Variants in CHSY3 observed in about 807,000 individuals in gnomAD.
CHSY3 encodes the protein N-acetylgalactosaminyl-proteoglycan 3-beta-glucuronosyltransferase 3.
In CHSY3, 35 loss-of-function variants were observed where a neutral mutation model predicts 67.2. The observed-to-expected ratio is 0.52, with a 90% CI of 0.40 to 0.69. CHSY3 has a LOEUF of 0.69. Ranked by LOEUF, CHSY3 falls within the 30% of genes least tolerant of loss-of-function variation. CHSY3 has a pLI of 0.00. For missense variants in CHSY3, 1,069 were observed against 1,138.5 expected (o/e 0.94, Z 0.88); for synonymous variants, 474 against 434.7 (o/e 1.09, Z -1.12).
intron 2 of CHSY3, among the ~76,000 whole-genome samples, chr5:130,028,931 C>G (rs955898894): frequency 6.6e-6 from 1 of 151,862 alleles, no homozygotes; most frequent in African/African-American, 2.4e-5. Context: ...CCTACTGATT[C>G]CTCACCACCT....
chr5:130,072,680 T>A (rs1042957020), intron 2 of CHSY3, among the ~76,000 whole-genome samples: 2 of 152,158 alleles, frequency 1.3e-5, no homozygotes, highest in African/African-American at 4.8e-5. Context: ...TAGGATTTTT[T>A]CCTATTTATA....
At chr5:130,124,742 G>A (rs1157871573) in intron 2 of CHSY3, among the ~76,000 whole-genome samples, 2 of 152,218 alleles carry the variant, frequency 1.3e-5, no homozygotes, top group Non-Finnish European at 2.9e-5. Context: ...ACAGGCGTGA[G>A]CCACTGCTCC....
At chr5:130,162,040 CAAA>C (rs371228605) in intron 2 of CHSY3, among the ~76,000 whole-genome samples, 3,487 of 65,008 alleles carry the variant, frequency 0.054, 132 homozygotes, top group African/African-American at 0.14. Context: ...GACCCTGTCT[CAAA>C]AAAAAAAAAA....
chr5:130,113,089 A>G (rs1225386859), intron 2 of CHSY3, among the ~76,000 whole-genome samples: 1 of 147,934 alleles, frequency 6.8e-6, no homozygotes, highest in African/African-American at 2.5e-5. Context: ...ATCATGAGTC[A>G]TGTTGTAAAA....
chr5:130,021,805 A>G (rs1437629221), intron 2 of CHSY3, among the ~76,000 whole-genome samples: 6 of 152,144 alleles, frequency 3.9e-5, no homozygotes, highest in Admixed American at 3.9e-4. Context: ...TTCAAAATAT[A>G]CTACAGCTCT....
Position 130,036,739 on chromosome 5 carries a change from G to C in CHSY3, c.1086+128379G>C, listed in dbSNP as rs147322253. ...AACATGGATTAGTAAACAAATAACTGAGTAAATGTGGTTTTACTTTGTCCC... is the reference window on the plus strand; with the variant it reads ...AACATGGATTAGTAAACAAATAACTCAGTAAATGTGGTTTTACTTTGTCCC... On this transcript the variant is annotated intron_variant, in intron 2 of 2. Transcript: ENST00000305031. Among the ~76,000 whole-genome samples the C allele has an allele frequency of 2.0e-3, 297 of 152,226 alleles. 1 individual carries two copies. The highest frequency in any genetic ancestry group is 6.8e-3 in the Middle Eastern group (2 of 294).
Position 130,069,057 on chromosome 5 carries a change from G to A in CHSY3, c.1087-115172G>A, listed in dbSNP as rs535415183. Among the ~76,000 whole-genome samples the A allele has an allele frequency of 3.9e-3, 597 of 152,100 alleles. 5 individuals carry two copies. The highest frequency in any genetic ancestry group is 5.7e-3 in the Non-Finnish European group (389 of 67,988). On this transcript the variant is annotated intron_variant, in intron 2 of 2. Coordinates refer to ENST00000305031, the MANE Select transcript of CHSY3 (RefSeq NM_175856.5). ...CATATTTTCTAATAGGTTACCCAGGGTTCAATTACCTGTAAATCCCATTAG... is the reference window on the plus strand; with the variant it reads ...CATATTTTCTAATAGGTTACCCAGGATTCAATTACCTGTAAATCCCATTAG...
chr5:130,072,407 TGAG>T (rs1766104873), intron 2 of CHSY3, among the ~76,000 whole-genome samples: 2 of 152,150 alleles, frequency 1.3e-5, no homozygotes, highest in African/African-American at 4.8e-5. Flanking sequence ...CATCATTTAT[TGAG>T]GAGACTGTCC....
intron 2 of CHSY3, among the ~76,000 whole-genome samples, chr5:130,055,964 T>C (rs908449281): frequency 2.6e-5 from 4 of 152,100 alleles, no homozygotes; most frequent in African/African-American, 9.7e-5. Flanking sequence ...TAAGAATTGA[T>C]GTTGATTCTC....
chr5:129,988,851 TA>T (rs1763277277), intron 2 of CHSY3, among the ~76,000 whole-genome samples: 1 of 152,180 alleles, frequency 6.6e-6, no homozygotes, highest in African/African-American at 2.4e-5. Context: ...CTGTAGAATT[TA>T]AAGCTGAGAA....
chr5:130,124,663 C>T (rs1768203836), intron 2 of CHSY3, among the ~76,000 whole-genome samples: 1 of 151,982 alleles, frequency 6.6e-6, no homozygotes, highest in African/African-American at 2.4e-5. Flanking sequence ...CGCCATGTTG[C>T]CCAAGGCTGA....
chr5:130,144,935 AGGAAACTTACAATCATGGT>A (rs1172761020), intron 2 of CHSY3, among the ~76,000 whole-genome samples: 2 of 152,194 alleles, frequency 1.3e-5, no homozygotes, highest in Non-Finnish European at 2.9e-5. Context: ...GGGAGGCCTC[AGGAAACTTACAATCATGGT>A]GGAAGGAAAA....
intron 2 of CHSY3, among the ~76,000 whole-genome samples, chr5:130,136,171 A>AG (rs1017832305): frequency 6.6e-6 from 1 of 152,214 alleles, no homozygotes; most frequent in Admixed American, 6.5e-5. Flanking sequence ...TTCACCAAGG[A>AG]GGTAATGCTT....
chr5:130,140,943 C>A, intron 2 of CHSY3: 3 of 868,710 alleles, frequency 3.5e-6, no homozygotes, highest in Non-Finnish European at 4.2e-6. Flanking sequence ...GAATTGAATG[C>A]TTACCTGTTC....
At chr5:130,060,188 C>A (rs1245467025) in intron 2 of CHSY3, among the ~76,000 whole-genome samples, 1 of 152,084 alleles carries the variant, frequency 6.6e-6, no homozygotes, top group Non-Finnish European at 1.5e-5. Flanking sequence ...CAAACTGAAT[C>A]CAAAAGCACA....
intron 2 of CHSY3, among the ~76,000 whole-genome samples, chr5:130,115,243 T>C (rs184073047): frequency 1.3e-5 from 2 of 151,982 alleles, no homozygotes; most frequent in East Asian, 3.9e-4. Context: ...TTTCCCCCCA[T>C]TTTTTTCCTC....
intron 2 of CHSY3, among the ~76,000 whole-genome samples, chr5:129,930,573 A>G (rs1218765009): frequency 6.6e-6 from 1 of 151,518 alleles, no homozygotes; most frequent in Non-Finnish European, 1.5e-5. Flanking sequence ...TAGAGAAGGA[A>G]TGAAACAAGG....
chr5:129,941,578 C>G (rs144446432), intron 2 of CHSY3, among the ~76,000 whole-genome samples: 1,705 of 152,200 alleles, frequency 0.011, 39 homozygotes, highest in African/African-American at 0.038. Flanking sequence ...GAATACTAGC[C>G]TATAGAATCC....
At chr5:130,151,877 T>C (rs1017718245) in intron 2 of CHSY3, among the ~76,000 whole-genome samples, 1 of 152,176 alleles carries the variant, frequency 6.6e-6, no homozygotes, top group African/African-American at 2.4e-5. Context: ...CCAAACCATA[T>C]TAGCTGTGAA....
Sources: gnomAD v4.1 joint callset for allele counts (sites outside exome capture counted in the v4.1 genomes callset) on GRCh38, gnomAD v4.1.1 for gene constraint, MANE v1.5 for transcripts, NCBI Gene and HGNC (gene_info 2026-07-23, HGNC 2026-07-21) for gene names.